Variants in AKAP19 observed in about 807,000 individuals in gnomAD.
AKAP19 encodes the protein A-kinase anchoring protein 19, also known as small A-kinase anchoring protein.
At chr2:189,893,705 C>T in the AKAP19 span, among the ~76,000 whole-genome samples, 1 of 152,168 alleles carries the variant, frequency 6.6e-6, no homozygotes, top group Non-Finnish European at 1.5e-5. Flanking sequence ...TTTATCTGTA[C>T]AGCTGGCCCT....
the AKAP19 span, among the ~76,000 whole-genome samples, chr2:190,125,967 T>C: frequency 6.6e-6 from 1 of 151,986 alleles, no homozygotes; most frequent in African/African-American, 2.4e-5. Context: ...ATAATTCAGA[T>C]TTATTAATTA....
chr2:189,917,219 C>T, the AKAP19 span: 1 of 1,004,234 alleles, frequency 1.0e-6, no homozygotes, highest in Non-Finnish European at 1.5e-6. Flanking sequence ...GATCAAAATA[C>T]TTAACTGTCC....
At chr2:189,997,781 A>G in the AKAP19 span, among the ~76,000 whole-genome samples, 1 of 152,192 alleles carries the variant, frequency 6.6e-6, no homozygotes, top group Admixed American at 6.5e-5. Context: ...TCCTTTCTGC[A>G]GCAGTTCCTG....
the AKAP19 span, chr2:190,062,426 C>A: frequency 6.2e-7 from 1 of 1,613,504 alleles, no homozygotes; most frequent in South Asian, 1.1e-5. Context: ...GGATTTGTAT[C>A]TTAATGGCTT....
the AKAP19 span, among the ~76,000 whole-genome samples, chr2:190,183,671 C>A: frequency 1.3e-5 from 2 of 152,154 alleles, no homozygotes; most frequent in East Asian, 3.9e-4. Flanking sequence ...CTGTTTGAAT[C>A]TCTAGTCTCT....
the AKAP19 span, among the ~76,000 whole-genome samples, chr2:190,084,645 C>G: frequency 6.6e-6 from 1 of 152,128 alleles, no homozygotes. Context: ...ACTGACATCC[C>G]TTCTTCTAAC....
the AKAP19 span, among the ~76,000 whole-genome samples, chr2:190,161,016 T>C: frequency 4.6e-5 from 7 of 152,184 alleles, no homozygotes; most frequent in African/African-American, 1.7e-4. Context: ...GATAAGCAAA[T>C]TGTCTCTAAG....
chr2:189,936,564 G>T, the AKAP19 span, among the ~76,000 whole-genome samples: 2 of 152,086 alleles, frequency 1.3e-5, no homozygotes, highest in African/African-American at 2.4e-5. Flanking sequence ...TTTAGGCTTT[G>T]CAGGACAAGA....
the AKAP19 span, among the ~76,000 whole-genome samples, chr2:189,901,715 C>T: frequency 2.0e-5 from 3 of 152,022 alleles, no homozygotes; most frequent in African/African-American, 7.2e-5. Flanking sequence ...TACCTTTTTT[C>T]CCCAAAAATG....
chr2:190,093,199 G>T, the AKAP19 span, among the ~76,000 whole-genome samples: 20 of 152,140 alleles, frequency 1.3e-4, no homozygotes, highest in African/African-American at 4.1e-4. Context: ...AAGGCGGGTG[G>T]ATCACCTGAG....
the AKAP19 span, among the ~76,000 whole-genome samples, chr2:190,180,120 C>T: frequency 6.6e-6 from 1 of 152,232 alleles, no homozygotes; most frequent in Non-Finnish European, 1.5e-5. This position sits in a 1 kb window ranked among gnomAD's most constrained non-coding sequence, Gnocchi z 6.8. Flanking sequence ...ATGGATATGT[C>T]CTTTAAATGT....
chr2:190,006,501 T>A, the AKAP19 span, among the ~76,000 whole-genome samples: 3 of 151,196 alleles, frequency 2.0e-5, no homozygotes, highest in African/African-American at 4.9e-5. Context: ...CAAAAGAAAA[T>A]TAGCTGGGCG....
At chr2:190,004,280 A>AAT in the AKAP19 span, among the ~76,000 whole-genome samples, 3 of 145,956 alleles carry the variant, frequency 2.1e-5, no homozygotes, top group Non-Finnish European at 4.6e-5. Flanking sequence ...TAATAATAAT[A>AAT]AAAAAAAACA....
the AKAP19 span, among the ~76,000 whole-genome samples, chr2:190,009,191 T>C: frequency 5.7e-3 from 864 of 152,248 alleles, 7 homozygotes; most frequent in Non-Finnish European, 9.6e-3. Flanking sequence ...TAAGGCCTTG[T>C]AGAGGACTTT....
At chr2:190,017,435 A>G in the AKAP19 span, among the ~76,000 whole-genome samples, 27 of 152,244 alleles carry the variant, frequency 1.8e-4, no homozygotes, top group Non-Finnish European at 3.2e-4. Flanking sequence ...TATCTGCTAT[A>G]GAGTATTGCT....
chr2:189,972,764 C>T, the AKAP19 span, among the ~76,000 whole-genome samples: 17 of 152,098 alleles, frequency 1.1e-4, no homozygotes, highest in Admixed American at 3.9e-4. Flanking sequence ...GGAGTTCACT[C>T]GTGATTTGGC....
chr2:190,038,914 T>TTCTTCTTCC, the AKAP19 span, among the ~76,000 whole-genome samples: 33 of 126,984 alleles, frequency 2.6e-4, 1 homozygote, highest in Admixed American at 2.5e-3. Flanking sequence ...CTTCTTCTTC[T>TTCTTCTTCC]TCTTCTTCTT....
chr2:190,083,467 C>A, the AKAP19 span, among the ~76,000 whole-genome samples: 1 of 152,164 alleles, frequency 6.6e-6, no homozygotes, highest in African/African-American at 2.4e-5. Flanking sequence ...AAGATGAGGA[C>A]AGCTGCCCAG....
the AKAP19 span, among the ~76,000 whole-genome samples, chr2:189,976,698 C>G: frequency 2.0e-5 from 3 of 152,344 alleles, no homozygotes; most frequent in Non-Finnish European, 1.5e-5. Context: ...CCCCCAGCCT[C>G]GCTGCTGCCT....
Sources: gnomAD v4.1 joint callset for allele counts (sites outside exome capture counted in the v4.1 genomes callset) on GRCh38, gnomAD v4.1.1 for gene constraint, Gnocchi (gnomAD v3.1) non-coding constraint, MANE v1.5 for transcripts, NCBI Gene and HGNC (gene_info 2026-07-23, HGNC 2026-07-21) for gene names.